NUP43: variants seen among roughly 807,000 people sequenced by gnomAD.
NUP43 encodes the protein nucleoporin 43, also known as nucleoporin Nup43.
NUP43 carries 32 observed loss-of-function variants against 47.3 expected under a neutral mutation model. The observed-to-expected ratio is 0.68, with a 90% confidence interval of 0.51 to 0.91. NUP43 has a LOEUF of 0.91. Ranked by LOEUF, NUP43 falls within the 40% of genes least tolerant of loss-of-function variation. The pLI is 0.00. For synonymous variants in NUP43, 147 were observed against 158.4 expected, an observed-to-expected ratio of 0.93 and a Z score of 0.54; for missense variants, 444 against 453.9, an observed-to-expected ratio of 0.98 and a Z score of 0.20.
In NUP43 at chr6:149,742,387, T is replaced by C; in HGVS notation, c.502+3A>G. ...ATGTTGGCCAGGCTGGGATTTTTCT[T>C]ACCTATGGTTCTTACAGCTTCCTTG... On this transcript the variant is annotated splice_donor_region_variant and intron_variant, in intron 4 of 7. Coordinates refer to ENST00000340413, the MANE Select transcript of NUP43 (RefSeq NM_198887.3). 1 of 1,613,586 alleles carries C rather than the reference T, an allele frequency of 6.2e-7. No homozygotes were observed. Among genetic ancestry groups the C allele is most frequent in the East Asian group, 2.2e-5 (1 of 44,874 alleles).
chr6:149,734,587 C>G (rs1264784097), intron 6 of NUP43, among the ~76,000 whole-genome samples: 1 of 151,810 alleles, frequency 6.6e-6, no homozygotes, highest in African/African-American at 2.4e-5. Flanking sequence ...AACCTGAGGT[C>G]AGGAGTTTGA....
At position 149,726,514 on chromosome 6, in the gene NUP43, G is replaced by A. The variant is rs565522191; in HGVS notation, c.*455C>T. On this transcript the variant is annotated 3_prime_UTR_variant, in exon 8 of 8. Transcript: ENST00000340413. ...GGAAATAAAGTGTGGAAGGATCATA[G>A]GAAATACTTGCAATAAAAAGAATAA... The A allele has an allele frequency of 1.2e-5, 2 of 168,260 alleles. No homozygotes were observed. Among genetic ancestry groups the A allele is most frequent in the African/African-American group, 4.8e-5 (2 of 41,746 alleles). The allele number at this position is 168,260 out of a possible 1,614,324, so 10.4% of individuals were successfully genotyped here. A position where few individuals can be genotyped will look rare whatever the true frequency, so the allele number is the denominator to read the frequency against.
chr6:149,732,986 A>T (rs1458511384), intron 6 of NUP43, among the ~76,000 whole-genome samples: 3 of 152,070 alleles, frequency 2.0e-5, no homozygotes, highest in Admixed American at 2.0e-4. Context: ...TCCTGGCGTC[A>T]AGCAATCCTC....
At chr6:149,749,013 C>T (rs1327519098), upstream of NUP43, among the ~76,000 whole-genome samples, 1 of 152,084 alleles carries the variant, frequency 6.6e-6, no homozygotes, top group Non-Finnish European at 1.5e-5. Flanking sequence ...TGCACACTTA[C>T]GTCGGGAGAA....
rs774047813 is a variant in NUP43 at position 149,727,079 on chromosome 6, A to G, written c.1033T>C (p.Leu345=). Residue 345 remains leucine (L), a synonymous_variant, in exon 8 of 8, where the codon TTA becomes CTA. Coordinates refer to ENST00000340413, the MANE Select transcript of NUP43 (RefSeq NM_198887.3). The stretch of plus-strand genomic sequence containing the variant: ...ACAGACAGAGACCTACTGGGAAGTA[A>G]GCTTGTGATTTCAATTCGGTCTTTT... ...PAKDRIEITS[L]LPSRSLSVNT... The G allele has an allele frequency of 1.2e-6, 2 of 1,614,182 alleles. No homozygotes were observed. The highest frequency in any genetic ancestry group is 1.1e-5 in the South Asian group (1 of 91,086).
intron 6 of NUP43, among the ~76,000 whole-genome samples, chr6:149,732,312 A>C (rs1414389191): frequency 6.7e-6 from 1 of 150,256 alleles, no homozygotes; most frequent in African/African-American, 2.5e-5. Context: ...TTGGGAGGCC[A>C]AGGTGGGTGG....
intron 3 of NUP43, among the ~76,000 whole-genome samples, chr6:149,742,901 G>A (rs773839530): frequency 6.6e-6 from 1 of 151,984 alleles, no homozygotes; most frequent in African/African-American, 2.4e-5. Flanking sequence ...TCTGGCCCAC[G>A]GCTGTCGCTC....
At chr6:149,743,125 G>A (rs1014937624) in intron 3 of NUP43, among the ~76,000 whole-genome samples, 3 of 151,548 alleles carry the variant, frequency 2.0e-5, no homozygotes, top group African/African-American at 7.3e-5. Context: ...GCAGTGAGCA[G>A]AGATCGCACC....
chr6:149,732,201 A>G (rs1374537601), intron 6 of NUP43, among the ~76,000 whole-genome samples: 3 of 145,512 alleles, frequency 2.1e-5, no homozygotes, highest in African/African-American at 5.1e-5. Context: ...AAAAAAAAAG[A>G]AAAGAAAGGA....
intron 6 of NUP43, 51 bp from the exon 7 acceptor site, chr6:149,731,786 A>G: frequency 6.3e-7 from 1 of 1,592,626 alleles, no homozygotes; most frequent in South Asian, 1.1e-5. Context: ...CGCTGAACAA[A>G]CAACATTAAA....
At chr6:149,737,263 GAC>G (rs1462782268) in intron 5 of NUP43, among the ~76,000 whole-genome samples, 1 of 151,114 alleles carries the variant, frequency 6.6e-6, no homozygotes, top group Non-Finnish European at 1.5e-5. Flanking sequence ...CAGCCTGGGT[GAC>G]AGAGTAAGAC....
intron 4 of NUP43, among the ~76,000 whole-genome samples, chr6:149,741,772 TG>T (rs1266116950): frequency 6.6e-6 from 1 of 152,216 alleles, no homozygotes. Context: ...CCCAAAGTGC[TG>T]GGGTAACAGG....
intron 5 of NUP43, 150 bp downstream of exon 5, chr6:149,738,493 G>C: frequency 4.2e-6 from 2 of 473,444 alleles, no homozygotes; most frequent in Non-Finnish European, 7.3e-6. Context: ...TACCAACCCC[G>C]TCAAGTTATG....
chr6:149,746,646 A>C (rs762645127), upstream of NUP43: 2 of 1,578,152 alleles, frequency 1.3e-6, no homozygotes, highest in Non-Finnish European at 1.7e-6. Flanking sequence ...CAGTGTGGGC[A>C]CAGTCAGTAC....
chr6:149,731,562 T>TAAAA (rs368188588), intron 7 of NUP43, 51 bp downstream of exon 7: 87 of 1,293,378 alleles, frequency 6.7e-5, no homozygotes, highest in East Asian at 1.4e-4. Context: ...GACTCTGTCT[T>TAAAA]AAAAAAAAAA....
chr6:149,738,156 T>G (rs1465935855), intron 5 of NUP43, among the ~76,000 whole-genome samples: 1 of 152,238 alleles, frequency 6.6e-6, no homozygotes, highest in Non-Finnish European at 1.5e-5. Context: ...CATTTCCACT[T>G]GTTAAATTAT....
intron 3 of NUP43, among the ~76,000 whole-genome samples, chr6:149,743,425 G>A (rs1298552431): frequency 2.0e-5 from 3 of 151,448 alleles, no homozygotes; most frequent in Middle Eastern, 3.2e-3. Flanking sequence ...GAGAAACCCC[G>A]TCTCTACTAA....
At chr6:149,728,670 G>A (rs1445403024) in intron 7 of NUP43, among the ~76,000 whole-genome samples, 1 of 151,970 alleles carries the variant, frequency 6.6e-6, no homozygotes, top group African/African-American at 2.4e-5. Flanking sequence ...CTTATCATGG[G>A]CTACAAAGTC....
chr6:149,744,900 T>C (rs1322824988), intron 2 of NUP43, among the ~76,000 whole-genome samples: 1 of 150,724 alleles, frequency 6.6e-6, no homozygotes, highest in Non-Finnish European at 1.5e-5. Context: ...TTTATTTATT[T>C]ATTTATTTAT....
Sources: allele counts gnomAD v4.1 joint callset (sites outside exome capture counted in the v4.1 genomes callset), GRCh38; gene constraint gnomAD v4.1.1; transcripts MANE v1.5; gene names NCBI Gene and HGNC (gene_info 2026-07-23, HGNC 2026-07-21).